Variants in ALG14 observed in about 807,000 individuals in gnomAD.
The protein encoded by ALG14 is ALG14 UDP-N-acetylglucosaminyltransferase subunit.
Under a neutral mutation model 22.8 loss-of-function variants are expected in ALG14, and 17 were observed. That is an observed-to-expected ratio of 0.75 (90% CI 0.51 to 1.12). ALG14 has a LOEUF of 1.12. ALG14 is among the 50% of genes most tolerant of loss of function. The pLI is 0.00. For synonymous variants in ALG14, 89 were observed against 103.7 expected (o/e 0.86, Z 0.86); for missense variants, 288 against 271.8 (o/e 1.06, Z -0.42).
Position 94,983,081 on chromosome 1 carries a change from C to A in ALG14, c.646G>T (p.Val216Phe). ...YPKSVYLGRI[V>F] ...AAGAAGTCAGTTGCCATTTGTCAAA[C>A]AATTCGCCCAAGGTACACCGATTTG... is the stretch of plus-strand genomic sequence containing the variant. The change falls in exon 4 of 4, where the codon GTT becomes TTT. Residue 216 changes from valine to phenylalanine, a missense_variant. Transcript: ENST00000370205. 6.2e-7 allele frequency: 1 copy of A among 1,613,958 alleles called. No homozygotes were observed. Among genetic ancestry groups the A allele is most frequent in the African/African-American group, 1.3e-5 (1 of 75,024 alleles).
intron 2 of ALG14, among the ~76,000 whole-genome samples, chr1:95,047,033 T>TAACA (rs1327938583): frequency 6.9e-6 from 1 of 145,328 alleles, no homozygotes; most frequent in South Asian, 2.2e-4. Context: ...TAACATAACA[T>TAACA]AACGACATGC....
intron 1 of ALG14, among the ~76,000 whole-genome samples, chr1:95,071,329 G>C (rs374163372): frequency 6.6e-6 from 1 of 152,182 alleles, no homozygotes; most frequent in African/African-American, 2.4e-5. Flanking sequence ...AGGATCACTT[G>C]AGGTCGGAAG....
chr1:94,996,174 C>T (rs559736276), intron 3 of ALG14, among the ~76,000 whole-genome samples: 1 of 152,332 alleles, frequency 6.6e-6, no homozygotes, highest in African/African-American at 2.4e-5. Context: ...GGGTACTTAA[C>T]AGAAATGTAG....
chr1:95,064,545 G>A (rs773626922), intron 2 of ALG14, among the ~76,000 whole-genome samples: 23 of 152,198 alleles, frequency 1.5e-4, no homozygotes, highest in South Asian at 1.0e-3. Context: ...TAATTACGTC[G>A]TTTTTGTCTT....
chr1:95,014,158 G>A (rs1026394698), intron 3 of ALG14, among the ~76,000 whole-genome samples: 6 of 152,136 alleles, frequency 3.9e-5, no homozygotes, highest in African/African-American at 1.4e-4. Context: ...TTCACTGTTT[G>A]GCTGTGAAAC....
chr1:95,032,293 G>C (rs535204756), intron 2 of ALG14, among the ~76,000 whole-genome samples: 2 of 152,244 alleles, frequency 1.3e-5, no homozygotes, highest in South Asian at 4.2e-4. Context: ...AAGGACACAA[G>C]GGGGGTAATT....
In ALG14 at chr1:94,982,037, G is replaced by C. The variant is rs548082441; in HGVS notation, c.*1039C>G. ...CAGGTTTACCTGAACTTGAATTCTGGCTTTGCTACTTACTACTCATGTGAT... is the reference window on the plus strand; with the variant it reads ...CAGGTTTACCTGAACTTGAATTCTGCCTTTGCTACTTACTACTCATGTGAT... On this transcript the variant is annotated 3_prime_UTR_variant, in exon 4 of 4. Transcript: ENST00000370205. The C allele has an allele frequency of 1.3e-5, 2 of 151,892 alleles. No homozygotes were observed. The highest frequency in any genetic ancestry group is 3.9e-4 in the East Asian group (2 of 5,166). 9.4% of individuals were successfully genotyped at this position (151,892 alleles called of 1,614,324 possible).
At chr1:94,984,892 A>C (rs1672597256) in intron 3 of ALG14, among the ~76,000 whole-genome samples, 1 of 152,230 alleles carries the variant, frequency 6.6e-6, no homozygotes, top group African/African-American at 2.4e-5. Flanking sequence ...CGTGTATTAC[A>C]TTTTAATTAA....
At chr1:95,036,879 A>G (rs1481053574) in intron 2 of ALG14, among the ~76,000 whole-genome samples, 1 of 152,180 alleles carries the variant, frequency 6.6e-6, no homozygotes, top group African/African-American at 2.4e-5. Context: ...CTGTGAAGCA[A>G]GGAGGGCTAG....
At chr1:95,054,398 C>T (rs1451793027) in intron 2 of ALG14, among the ~76,000 whole-genome samples, 2 of 152,174 alleles carry the variant, frequency 1.3e-5, no homozygotes, top group African/African-American at 4.8e-5. Context: ...GCTGGCTCCT[C>T]CTTTGCCTTC....
At chr1:94,983,357 G>A in intron 3 of ALG14, 51 bp from the exon 4 acceptor site, 1 of 1,503,826 alleles carries the variant, frequency 6.6e-7, no homozygotes, top group Non-Finnish European at 9.2e-7. Flanking sequence ...ATAATCTAAG[G>A]GAGGCATTTT....
chr1:95,047,488 C>T (rs867739929), intron 2 of ALG14, among the ~76,000 whole-genome samples: 2 of 152,014 alleles, frequency 1.3e-5, no homozygotes, highest in Admixed American at 6.6e-5. Flanking sequence ...GGATTACAGG[C>T]GCCCACCACC....
At chr1:95,066,327 G>C (rs539263682) in intron 1 of ALG14, among the ~76,000 whole-genome samples, 8 of 151,874 alleles carry the variant, frequency 5.3e-5, no homozygotes, top group African/African-American at 1.9e-4. Context: ...AGGTTCAGGC[G>C]ACTCTCCTGC....
At chr1:95,068,543 G>A (rs1291427771) in intron 1 of ALG14, among the ~76,000 whole-genome samples, 4 of 152,148 alleles carry the variant, frequency 2.6e-5, no homozygotes, top group African/African-American at 9.7e-5. Context: ...ACCTACCTCA[G>A]CCTCCCAAAT....
rs1672541263 is a variant in ALG14, at chr1:94,983,173, C to T, written c.554G>A (p.Gly185Glu). Residue 185 changes from glycine (G) to glutamate (E), a missense_variant, in exon 4 of 4, where the codon GGA (glycine) becomes GAA (glutamate). Physicochemically the swap from Gly to Glu is moderately conservative, Grantham distance 98 (BLOSUM62 -2). Transcript: ENST00000370205. ...ATCTGAGAGATGAAACAGAATCTTT[C>T]CGGACATGGATAACGTTTCTACACG... The part of the protein sequence containing the change: ...ICRVETLSMS[G>E]KILFHLSDYF... The T allele has an allele frequency of 6.2e-7, 1 of 1,614,118 alleles. No homozygotes were observed. Among genetic ancestry groups the T allele is most frequent in the East Asian group, 2.2e-5 (1 of 44,876 alleles).
rs1441331296 is a variant in ALG14 at position 94,982,809 on chromosome 1, T to C, written c.*267A>G. On this transcript the variant is annotated 3_prime_UTR_variant, in exon 4 of 4. Transcript: ENST00000370205. The stretch of plus-strand genomic sequence containing the variant: ...ACTACTAAAACAGCCAGAAGAAAAT[T>C]TGCAGGTAGTAATACATATTTTTAT... The C allele has an allele frequency of 3.2e-6, 1 of 311,680 alleles. No homozygotes were observed. Among genetic ancestry groups the C allele is most frequent in the Non-Finnish European group, 5.9e-6 (1 of 169,110 alleles). The allele number at this position is 311,680 out of a possible 1,614,324, so 19.3% of individuals were successfully genotyped here. A position where few individuals can be genotyped will look rare whatever the true frequency, so the allele number is the denominator to read the frequency against.
At chr1:95,072,245 G>A (rs1675588984) in intron 1 of ALG14, among the ~76,000 whole-genome samples, 1 of 152,176 alleles carries the variant, frequency 6.6e-6, no homozygotes, top group Non-Finnish European at 1.5e-5. Context: ...GGTGGATTTA[G>A]ATTGTATTAC....
At chr1:95,058,890 T>A (rs1472296991) in intron 2 of ALG14, among the ~76,000 whole-genome samples, 1 of 151,924 alleles carries the variant, frequency 6.6e-6, no homozygotes, top group East Asian at 2.0e-4. Flanking sequence ...AAAATTTTAT[T>A]TTTTTTCCTC....
Position 95,072,931 on chromosome 1 carries a change from G to C in ALG14, c.-33C>G, listed in dbSNP as rs749904689. On this transcript the variant is annotated 5_prime_UTR_variant, in exon 1 of 4. Coordinates refer to ENST00000370205, the MANE Select transcript of ALG14 (RefSeq NM_144988.4). ...AACGGCGCATGCGTCCAACTTCCGG[G>C]GACCAGCCGCTGTCAAAGTTCACAA... The C allele has an allele frequency of 1.6e-5, 25 of 1,611,624 alleles. No individual in the cohort carries two copies. The highest frequency in any genetic ancestry group is 2.0e-5 in the Non-Finnish European group (23 of 1,179,140).
Sources: gnomAD v4.1 joint callset for allele counts (sites outside exome capture counted in the v4.1 genomes callset) on GRCh38, gnomAD v4.1.1 for gene constraint, MANE v1.5 for transcripts, NCBI Gene and HGNC (gene_info 2026-07-23, HGNC 2026-07-21) for gene names.